LMBRD1: variants seen among roughly 807,000 people sequenced by gnomAD.
The protein encoded by LMBRD1 is lysosomal cobalamin transport escort protein LMBD1.
A neutral mutation model predicts 74.8 loss-of-function variants in LMBRD1; 64 were observed. The ratio of observed to expected loss-of-function variants is 0.86; its 90% confidence interval spans 0.70 to 1.05. The LOEUF (loss-of-function observed/expected upper bound fraction) is 1.05. Ranked by LOEUF, LMBRD1 falls within the 50% of genes least tolerant of loss-of-function variation. The pLI, the probability that LMBRD1 is intolerant of heterozygous loss-of-function variation, is 0.00. For missense variants in LMBRD1, 652 were observed against 645.9 expected (o/e 1.01, Z -0.10); for synonymous variants, 204 against 216.3 (o/e 0.94, Z 0.50).
chr6:69,731,628 C>T (rs556927806), intron 7 of LMBRD1, among the ~76,000 whole-genome samples: 63 of 152,086 alleles, frequency 4.1e-4, no homozygotes, highest in African/African-American at 1.3e-3. Flanking sequence ...TAATTTTGTG[C>T]AACTGTAAGC....
rs34383421 is a variant in LMBRD1, at chr6:69,679,043, C to CAA, written c.1418-2504_1418-2503dup. Among the ~76,000 whole-genome samples the CAA allele has an allele frequency of 5.4e-3, 528 of 97,534 alleles. 6 individuals are homozygous for CAA. Among genetic ancestry groups the CAA allele is most frequent in the African/African-American group, 0.016 (478 of 29,544 alleles). 64.0% of individuals were successfully genotyped at this position (97,534 alleles called of 152,430 possible). ...CAAACCTGTCTCTTTCTGGTTAAAACAAAAAAAAAAAAACAAAAACAAACA... is the reference window on the plus strand; with the variant it reads ...CAAACCTGTCTCTTTCTGGTTAAAACAAAAAAAAAAAAAAACAAAAACAAACA... On this transcript the variant is annotated intron_variant, in intron 14 of 15. Transcript: ENST00000649934.
At chr6:69,758,316 G>A (rs1765308574) in intron 3 of LMBRD1, among the ~76,000 whole-genome samples, 1 of 152,098 alleles carries the variant, frequency 6.6e-6, no homozygotes, top group Admixed American at 6.5e-5. Flanking sequence ...TGTTTTAGAG[G>A]TCAAAGTATA....
At chr6:69,773,555 A>G (rs1168790165) in intron 3 of LMBRD1, among the ~76,000 whole-genome samples, 1 of 152,170 alleles carries the variant, frequency 6.6e-6, no homozygotes, top group Non-Finnish European at 1.5e-5. Context: ...GGAACTGAAA[A>G]GCTTCCCGGT....
chr6:69,717,088 G>T (rs968829422), intron 8 of LMBRD1, among the ~76,000 whole-genome samples: 2 of 151,738 alleles, frequency 1.3e-5, no homozygotes, highest in Admixed American at 1.3e-4. Context: ...AGTTGTTCTC[G>T]ACATATATTA....
At chr6:69,758,188 T>A (rs13201581) in intron 3 of LMBRD1, among the ~76,000 whole-genome samples, 7,869 of 152,282 alleles carry the variant, frequency 0.052, 246 homozygotes, top group Middle Eastern at 0.071. Context: ...TTGTTAAAAA[T>A]TTTTTAAACA....
chr6:69,770,040 C>T (rs973238597), intron 3 of LMBRD1, among the ~76,000 whole-genome samples: 1 of 151,904 alleles, frequency 6.6e-6, no homozygotes, highest in Non-Finnish European at 1.5e-5. Flanking sequence ...GAGTACATGA[C>T]TAGGTTGGGC....
At chr6:69,791,052 T>C (rs1409850542) in intron 1 of LMBRD1, among the ~76,000 whole-genome samples, 1 of 152,190 alleles carries the variant, frequency 6.6e-6, no homozygotes, top group Admixed American at 6.5e-5. Context: ...AGCAAGGAGC[T>C]TTCCAGTGAA....
At position 69,713,645 on chromosome 6, in the gene LMBRD1, C is replaced by T. The variant is rs2149853003; in HGVS notation, c.915G>A (p.Lys305=). 1.2e-6 allele frequency: 2 copies of T among 1,613,290 alleles called. No individual in the cohort carries two copies. The highest frequency in any genetic ancestry group is 2.2e-5 in the East Asian group (1 of 44,862). ...TKFCGALRPL[K]IVWGIFFILV... is the part of the protein sequence containing the mutation. ...CATAATTTTTAAAAACTTCATTTAC[C>T]TTCAGGGGACGCAGAGCGCCACAAA... Residue 305 remains lysine (K), a splice_region_variant and synonymous_variant, in exon 9 of 16, where the codon AAG becomes AAA. Transcript: ENST00000649934.
chr6:69,749,557 G>A, intron 4 of LMBRD1, 149 bp from the exon 5 acceptor site: 1 of 677,106 alleles, frequency 1.5e-6, no homozygotes, highest in Non-Finnish European at 2.6e-6. Flanking sequence ...AAAATTTAAA[G>A]AAAACAGGTA....
intron 7 of LMBRD1, among the ~76,000 whole-genome samples, chr6:69,733,063 G>A (rs1342798086): frequency 6.6e-6 from 1 of 151,786 alleles, no homozygotes. Flanking sequence ...TAATCAACTA[G>A]TTTCAAAAAT....
chr6:69,691,011 T>C (rs888777343), intron 14 of LMBRD1, among the ~76,000 whole-genome samples: 1 of 152,130 alleles, frequency 6.6e-6, no homozygotes, highest in Non-Finnish European at 1.5e-5. Context: ...TCTTCCAAAC[T>C]CTTATGTCTC....
At chr6:69,777,459 A>G (rs921848742) in intron 3 of LMBRD1, among the ~76,000 whole-genome samples, 72 of 151,610 alleles carry the variant, frequency 4.7e-4, no homozygotes, top group Non-Finnish European at 9.9e-4. Context: ...AAAAAAAAAA[A>G]AGAGGCCCCA....
chr6:69,769,661 G>A (rs1765538297), intron 3 of LMBRD1, among the ~76,000 whole-genome samples: 1 of 151,398 alleles, frequency 6.6e-6, no homozygotes, highest in Admixed American at 6.6e-5. Flanking sequence ...TCACTTATTT[G>A]GCAGGGTTAA....
chr6:69,719,083 T>C lies in LMBRD1; in HGVS notation c.637-2A>G. The C allele has an allele frequency of 6.2e-7, 1 of 1,611,804 alleles. No homozygotes were observed. The highest frequency in any genetic ancestry group is 8.5e-7 in the Non-Finnish European group (1 of 1,178,508). On this transcript the variant is annotated splice_acceptor_variant, in intron 7 of 15. Transcript: ENST00000649934. LOFTEE classifies it high-confidence loss of function. ...AGGTAACGCAGACATGCCATAGGCC[T>C]AAAAGAAAAACAATTGAAATGTTTT...
At chr6:69,697,695 G>T in intron 13 of LMBRD1, 54 bp from the exon 14 acceptor site, 1 of 1,086,718 alleles carries the variant, frequency 9.2e-7, no homozygotes, top group Non-Finnish European at 1.4e-6. Flanking sequence ...AAATACATTT[G>T]GATTTAAAAA....
intron 14 of LMBRD1, among the ~76,000 whole-genome samples, chr6:69,691,452 A>G (rs1337753824): frequency 1.3e-5 from 2 of 152,052 alleles, no homozygotes; most frequent in African/African-American, 4.8e-5. Context: ...CTTTATTCCC[A>G]TATCTATGAC....
intron 14 of LMBRD1, among the ~76,000 whole-genome samples, chr6:69,684,463 G>C (rs1464429680): frequency 6.6e-6 from 1 of 152,024 alleles, no homozygotes; most frequent in Non-Finnish European, 1.5e-5. Flanking sequence ...CAGTTAAAAT[G>C]AAAGTAGGAG....
In LMBRD1 at chr6:69,674,836, G is replaced by A. The variant is rs1765515007; in HGVS notation, c.*1322C>T. On this transcript the variant is annotated 3_prime_UTR_variant, in exon 16 of 16. Coordinates refer to ENST00000649934, the MANE Select transcript of LMBRD1 (RefSeq NM_018368.4). Reference sequence around the variant, plus strand: ...AAAAATACAAAAACTAGCCAGGCATGGTGGCACATGCCTGTAATCCCAGCT... The same window carrying A: ...AAAAATACAAAAACTAGCCAGGCATAGTGGCACATGCCTGTAATCCCAGCT... Among the ~76,000 whole-genome samples the A allele has an allele frequency of 6.6e-6, 1 of 152,144 alleles. No individual in the cohort carries two copies. Among genetic ancestry groups the A allele is most frequent in the South Asian group, 2.1e-4 (1 of 4,824 alleles).
chr6:69,757,642 A>G (rs1417335943), intron 3 of LMBRD1, among the ~76,000 whole-genome samples: 1 of 152,188 alleles, frequency 6.6e-6, no homozygotes, highest in Non-Finnish European at 1.5e-5. Flanking sequence ...TTGAGTTTAT[A>G]TATCTGTAAA....
Sources: gnomAD v4.1 joint callset for allele counts (sites outside exome capture counted in the v4.1 genomes callset) on GRCh38, gnomAD v4.1.1 for gene constraint, MANE v1.5 for transcripts, NCBI Gene and HGNC (gene_info 2026-07-23, HGNC 2026-07-21) for gene names.